The following NRG3 variants were observed in gnomAD, a reference collection of about 807,000 sequenced individuals.
NRG3 encodes the protein pro-neuregulin-3, membrane-bound isoform.
NRG3 carries 31 observed loss-of-function variants against 66.9 expected under a neutral mutation model. The observed-to-expected ratio is 0.46, with a 90% CI of 0.35 to 0.63. The LOEUF is 0.63. Among genes scored for constraint, NRG3 ranks in the 20% least tolerant of loss-of-function variants. NRG3 has a pLI of 0.00. For synonymous variants in NRG3, 393 were observed against 359.4 expected (o/e 1.09, Z -1.06); for missense variants, 910 against 878.9 (o/e 1.04, Z -0.45).
chr10:81,953,709 G>A (rs950973324), intron 1 of NRG3, among the ~76,000 whole-genome samples: 35 of 152,172 alleles, frequency 2.3e-4, no homozygotes, highest in African/African-American at 8.0e-4. Flanking sequence ...TTCTGCTCTA[G>A]TGGTCATCAG....
chr10:82,351,526 C>T (rs1013342919), intron 1 of NRG3, among the ~76,000 whole-genome samples: 1 of 152,122 alleles, frequency 6.6e-6, no homozygotes, highest in African/African-American at 2.4e-5. Flanking sequence ...TGAGGTCTCT[C>T]TGTGCTGGAG....
chr10:81,914,617 A>C (rs1257364624), intron 1 of NRG3, among the ~76,000 whole-genome samples: 1 of 151,980 alleles, frequency 6.6e-6, no homozygotes, highest in Non-Finnish European at 1.5e-5. Flanking sequence ...TCAGCTGGGC[A>C]TGGGGGTGTG....
At chr10:82,283,156 G>A (rs2079218721) in intron 1 of NRG3, among the ~76,000 whole-genome samples, 1 of 151,986 alleles carries the variant, frequency 6.6e-6, no homozygotes, top group South Asian at 2.1e-4. Flanking sequence ...GAAACAAAGA[G>A]GAAGAAAGTG....
intron 1 of NRG3, among the ~76,000 whole-genome samples, chr10:81,908,084 G>T (rs1844764412): frequency 6.6e-6 from 1 of 152,058 alleles, no homozygotes; most frequent in Non-Finnish European, 1.5e-5. Flanking sequence ...TAATTCCAAA[G>T]TTTCTTCCCG....
At position 82,928,612 on chromosome 10, in the gene NRG3, G is replaced by GGT. The variant is rs577959395; in HGVS notation, c.1055-22857_1055-22856insGT. Among the ~76,000 whole-genome samples, 153 of 117,870 alleles carry GGT rather than the reference G, an allele frequency of 1.3e-3. 3 individuals carry two copies. The East Asian group carries it at 0.028, about 21-fold the overall frequency. 77.3% of individuals were successfully genotyped at this position (117,870 alleles called of 152,430 possible). A position where few individuals can be genotyped will look rare whatever the true frequency, so the allele number is the denominator to read the frequency against. Reference sequence around the variant, plus strand: ...TTTTATCTATTTCAGGGATCAGCAGGTTTTTTTTTTTTTAAAAGTAAATCT... The same window carrying GGT: ...TTTTATCTATTTCAGGGATCAGCAGGGTTTTTTTTTTTTTTAAAAGTAAATCT... On this transcript the variant is annotated intron_variant, in intron 4 of 8. Coordinates refer to ENST00000372141, the MANE Select transcript of NRG3 (RefSeq NM_001010848.4).
intron 2 of NRG3, among the ~76,000 whole-genome samples, chr10:82,475,285 T>A (rs557656547): frequency 8.5e-5 from 13 of 152,180 alleles, no homozygotes; most frequent in Admixed American, 2.6e-4. Flanking sequence ...CTAACACCAA[T>A]TTTATTGAAA....
chr10:82,787,436 G>A (rs2135342174), intron 3 of NRG3, among the ~76,000 whole-genome samples: 1 of 152,266 alleles, frequency 6.6e-6, no homozygotes, highest in South Asian at 2.1e-4. Context: ...ATAATGTTTA[G>A]GTAAACAAGG....
At chr10:82,578,284 G>T (rs2046151736) in intron 2 of NRG3, among the ~76,000 whole-genome samples, 1 of 125,368 alleles carries the variant, frequency 8.0e-6, no homozygotes, top group South Asian at 2.6e-4. Context: ...TGACATCTAG[G>T]CTAAAATATC....
chr10:82,181,258 A>G (rs2073399367), intron 1 of NRG3, among the ~76,000 whole-genome samples: 1 of 151,376 alleles, frequency 6.6e-6, no homozygotes, highest in Non-Finnish European at 1.5e-5. Flanking sequence ...TTTTTGTTCT[A>G]ACCTTCATTA....
At chr10:81,907,468 T>C (rs1275930579) in intron 1 of NRG3, among the ~76,000 whole-genome samples, 1 of 152,172 alleles carries the variant, frequency 6.6e-6, no homozygotes, top group East Asian at 1.9e-4. Context: ...ACACACCTTA[T>C]TGAGTGATTA....
intron 1 of NRG3, among the ~76,000 whole-genome samples, chr10:82,313,454 G>T (rs917572430): frequency 6.6e-6 from 1 of 152,148 alleles, no homozygotes; most frequent in Non-Finnish European, 1.5e-5. Context: ...AATCCTGAAT[G>T]TATTTAATGT....
intron 2 of NRG3, among the ~76,000 whole-genome samples, chr10:82,414,703 C>T (rs1313505980): frequency 1.3e-5 from 2 of 152,056 alleles, no homozygotes; most frequent in Non-Finnish European, 2.9e-5. Flanking sequence ...ATCAGGGTTC[C>T]CCCAAGAGAC....
At chr10:82,791,859 G>A (rs1432947256) in intron 3 of NRG3, among the ~76,000 whole-genome samples, 2 of 152,174 alleles carry the variant, frequency 1.3e-5, no homozygotes, top group Non-Finnish European at 2.9e-5. Flanking sequence ...AGTCAGGTCA[G>A]ATAAAGTTTA....
chr10:82,355,588 A>G (rs1239444872), intron 1 of NRG3, among the ~76,000 whole-genome samples: 4 of 149,448 alleles, frequency 2.7e-5, no homozygotes, highest in African/African-American at 7.5e-5. Context: ...TGGACACAGT[A>G]TGCTTATTAT....
At chr10:82,804,413 G>A (rs766887345) in intron 3 of NRG3, among the ~76,000 whole-genome samples, 2 of 152,172 alleles carry the variant, frequency 1.3e-5, no homozygotes, top group East Asian at 1.9e-4. Flanking sequence ...CATTGCATTT[G>A]TGGGTGGAAG....
chr10:82,869,339 A>T (rs1841063441), intron 4 of NRG3, among the ~76,000 whole-genome samples: 1 of 152,164 alleles, frequency 6.6e-6, no homozygotes, highest in Admixed American at 6.5e-5. Flanking sequence ...ATAGAGGTAC[A>T]TTTGTTACAA....
chr10:82,743,733 G>A (rs2058527283), intron 3 of NRG3, among the ~76,000 whole-genome samples: 2 of 152,160 alleles, frequency 1.3e-5, no homozygotes, highest in South Asian at 4.1e-4. Context: ...ATTGAGAACA[G>A]CCTGGGAATG....
At chr10:82,493,570 G>A (rs1392912189) in intron 2 of NRG3, among the ~76,000 whole-genome samples, 2 of 152,094 alleles carry the variant, frequency 1.3e-5, no homozygotes, top group Non-Finnish European at 2.9e-5. Context: ...TTGCTGTTGT[G>A]AATAGTGCTG....
At chr10:82,587,114 C>T (rs996960027) in intron 2 of NRG3, among the ~76,000 whole-genome samples, 5 of 152,100 alleles carry the variant, frequency 3.3e-5, no homozygotes, top group African/African-American at 1.2e-4. Flanking sequence ...TATTCATGCT[C>T]ATTGTCTCAC....
Sources: allele counts gnomAD v4.1 joint callset (sites outside exome capture counted in the v4.1 genomes callset), GRCh38; gene constraint gnomAD v4.1.1; transcripts MANE v1.5; gene names NCBI Gene and HGNC (gene_info 2026-07-23, HGNC 2026-07-21).